Variants in TCF25 observed in about 807,000 individuals in gnomAD.
The protein encoded by TCF25 is TCF25 ribosome quality control complex subunit.
In TCF25, 41 loss-of-function variants were observed where a neutral mutation model predicts 83.1. The ratio of observed to expected loss-of-function variants is 0.49; its 90% CI spans 0.38 to 0.64. The LOEUF is 0.64. Among genes scored for constraint, TCF25 ranks in the 30% least tolerant of loss-of-function variants. TCF25 has a pLI of 0.00. For synonymous variants in TCF25, 458 were observed against 365.0 expected (o/e 1.25, Z -2.90); for missense variants, 979 against 914.5 (o/e 1.07, Z -0.91).
intron 17 of TCF25, 81 bp from the exon 18 acceptor site, chr16:89,910,999 C>T: frequency 6.3e-7 from 1 of 1,575,350 alleles, no homozygotes; most frequent in Admixed American, 1.7e-5. Context: ...ACCTCGGGCT[C>T]CACAGTGCCT....
At chr16:89,909,450 G>T in intron 16 of TCF25, 1 of 215,742 alleles carries the variant, frequency 4.6e-6, no homozygotes, top group Non-Finnish European at 9.5e-6. Context: ...GGCACAGGTT[G>T]CAGTGAGTGG....
intron 16 of TCF25, among the ~76,000 whole-genome samples, chr16:89,908,409 GCTCCCAC>G (rs1182068479): frequency 2.7e-4 from 27 of 100,024 alleles, no homozygotes; most frequent in Admixed American, 1.6e-3. Flanking sequence ...CCACCTCCCA[GCTCCCAC>G]CTCCCACCTT....
intron 16 of TCF25, among the ~76,000 whole-genome samples, chr16:89,908,428 CAGTTCCCACCTCCTTCCTCGCAGT>C (rs2045182999): frequency 6.7e-6 from 1 of 150,132 alleles, no homozygotes; most frequent in African/African-American, 2.5e-5. Flanking sequence ...TCCCACCTTC[CAGTTCCCACCTCCTTCCTCGCAGT>C]TCCCACCTCC....
At chr16:89,910,532 G>C (rs1351481476) in intron 16 of TCF25, 59 bp from the exon 17 acceptor site, 1 of 1,584,454 alleles carries the variant, frequency 6.3e-7, no homozygotes, top group Non-Finnish European at 8.7e-7. Flanking sequence ...CGTGAGCCGG[G>C]TTGGGTCCCA....
chr16:89,876,652 C>T (rs1045464855), intron 1 of TCF25, among the ~76,000 whole-genome samples: 4 of 152,034 alleles, frequency 2.6e-5, no homozygotes, highest in Admixed American at 6.6e-5. Flanking sequence ...TTGGGCCAGG[C>T]GTGGTGGCAC....
Position 89,893,877 on chromosome 16 carries a change from C to A in TCF25, c.828+19C>A. On this transcript the variant is annotated intron_variant, in intron 7 of 17. Coordinates refer to ENST00000263346, the MANE Select transcript of TCF25 (RefSeq NM_014972.3). ...CATCGTGGTGCGTGGTCCCTGCAGC[C>A]CCTGACAGGAGCAGGGGCCATGTAG... The A allele has an allele frequency of 6.3e-7, 1 of 1,589,972 alleles. No individual in the cohort carries two copies. The highest frequency in any genetic ancestry group is 2.3e-5 in the East Asian group (1 of 43,172).
intron 17 of TCF25, 46 bp from the exon 18 acceptor site, chr16:89,911,034 T>A (rs760194805): frequency 6.2e-7 from 1 of 1,605,218 alleles, no homozygotes; most frequent in Admixed American, 1.7e-5. Context: ...GGGCCCCTAG[T>A]CCCAGCACAG....
chr16:89,879,054 G>A (rs2042396516), intron 1 of TCF25, among the ~76,000 whole-genome samples: 1 of 152,206 alleles, frequency 6.6e-6, no homozygotes, highest in African/African-American at 2.4e-5. Flanking sequence ...AGCAAAACTA[G>A]GCCTGTCACC....
At chr16:89,896,653 AAG>A (rs2043878922) in intron 9 of TCF25, among the ~76,000 whole-genome samples, 1 of 149,574 alleles carries the variant, frequency 6.7e-6, no homozygotes, top group African/African-American at 2.5e-5. Context: ...TCCCGGGTTC[AAG>A]CCATTCTCCT....
intron 1 of TCF25, among the ~76,000 whole-genome samples, chr16:89,876,024 G>C (rs2042165386): frequency 1.3e-5 from 2 of 151,394 alleles, no homozygotes; most frequent in Admixed American, 6.6e-5. Context: ...AATCTTTTTG[G>C]TATTTATATT....
At chr16:89,894,804 C>T (rs971432520) in intron 7 of TCF25, among the ~76,000 whole-genome samples, 6 of 152,136 alleles carry the variant, frequency 3.9e-5, no homozygotes, top group Admixed American at 1.3e-4. Flanking sequence ...GCCACCACAC[C>T]CGGCTAATTT....
chr16:89,906,508 C>G (rs1413553823), intron 15 of TCF25, among the ~76,000 whole-genome samples: 3 of 152,088 alleles, frequency 2.0e-5, no homozygotes, highest in African/African-American at 7.2e-5. Flanking sequence ...GCTCAGAGCA[C>G]AAGCTGAGTC....
chr16:89,884,744 C>T, intron 3 of TCF25, 88 bp downstream of exon 3: 1 of 1,241,318 alleles, frequency 8.1e-7, no homozygotes. Context: ...GCCTGACGCC[C>T]TCTCCCTCTG....
chr16:89,891,890 G>A (rs1056991846), intron 5 of TCF25, among the ~76,000 whole-genome samples: 6 of 152,000 alleles, frequency 3.9e-5, no homozygotes, highest in South Asian at 2.1e-4. Context: ...GGCCAGTCTC[G>A]AACTCCTGGG....
At chr16:89,887,143 C>T (rs991990802) in intron 4 of TCF25, among the ~76,000 whole-genome samples, 1 of 152,030 alleles carries the variant, frequency 6.6e-6, no homozygotes, top group Non-Finnish European at 1.5e-5. Context: ...AGGAGATTCT[C>T]TTGCCTCAGT....
chr16:89,889,448 A>G, intron 5 of TCF25: 1 of 224,564 alleles, frequency 4.5e-6, no homozygotes, highest in Non-Finnish European at 8.9e-6. Flanking sequence ...AAGTGCTAGG[A>G]TTACAGGCAT....
chr16:89,900,965 C>T lies in TCF25; in HGVS notation c.1381+171C>T, dbSNP rs528361356. 4.7e-5 allele frequency: 35 copies of T among 752,458 alleles called. No homozygotes were observed. The African/African-American group carries it at 5.7e-4, about 12-fold the overall frequency. 46.6% of individuals were successfully genotyped at this position (752,458 alleles called of 1,614,324 possible). A position where few individuals can be genotyped will look rare whatever the true frequency, so the allele number is the denominator to read the frequency against. Reference sequence around the variant, plus strand: ...TACCAAACCTGAAAGAGGGTCGGCTCATCTCGGAACCCGCTGCGTGCCAAG... The same window carrying T: ...TACCAAACCTGAAAGAGGGTCGGCTTATCTCGGAACCCGCTGCGTGCCAAG... On this transcript the variant is annotated intron_variant, in intron 12 of 17. Transcript: ENST00000263346.
rs1164528945 is a variant in TCF25 at position 89,875,820 on chromosome 16, C to CTTTTTTTTTTTTTTTT, written c.192+1974_192+1989dup. Among the ~76,000 whole-genome samples, 5 of 64,862 alleles carry CTTTTTTTTTTTTTTTT rather than the reference C, an allele frequency of 7.7e-5. 1 individual carries two copies. Among genetic ancestry groups the CTTTTTTTTTTTTTTTT allele is most frequent in the African/African-American group, 1.7e-4 (3 of 17,542 alleles). The allele number at this position is 64,862 out of a possible 152,430, so 42.6% of individuals were successfully genotyped here. ...TACAGGCGTGAGCCACTGCGCCTGG[C>CTTTTTTTTTTTTTTTT]TTTTTTTTTTTTTTTTTTTTTTTTT... On this transcript the variant is annotated intron_variant, in intron 1 of 17. Transcript: ENST00000263346.
intron 1 of TCF25, among the ~76,000 whole-genome samples, chr16:89,879,116 C>T (rs2042404601): frequency 6.6e-6 from 1 of 151,282 alleles, no homozygotes; most frequent in Non-Finnish European, 1.5e-5. Flanking sequence ...ACGTGTTGTC[C>T]GTGTACACAG....
Sources: allele counts gnomAD v4.1 joint callset (sites outside exome capture counted in the v4.1 genomes callset), GRCh38; gene constraint gnomAD v4.1.1; transcripts MANE v1.5; gene names NCBI Gene and HGNC (gene_info 2026-07-23, HGNC 2026-07-21).